The following PPP6R3 variants were observed in gnomAD, a reference collection of about 807,000 sequenced individuals.
PPP6R3 encodes protein phosphatase 6 regulatory subunit 3.
In PPP6R3, 38 loss-of-function variants were observed where a neutral mutation model predicts 110.7. That is an observed-to-expected ratio of 0.34 (90% CI 0.26 to 0.45). The LOEUF (loss-of-function observed/expected upper bound fraction) is 0.45, where lower values mean the gene tolerates loss of function less well. Ranked by LOEUF, PPP6R3 falls within the 20% of genes least tolerant of loss-of-function variation. PPP6R3 has a pLI of 1.00. For synonymous variants in PPP6R3, 369 were observed against 373.5 expected, an observed-to-expected ratio of 0.99 and a Z score of 0.14; for missense variants, 870 against 1,062.4, an observed-to-expected ratio of 0.82 and a Z score of 2.52.
At chr11:68,587,689 A>G in intron 15 of PPP6R3, 1 of 579,036 alleles carries the variant, frequency 1.7e-6, no homozygotes, top group Non-Finnish European at 3.1e-6. Context: ...CAGAGTGGTC[A>G]CATAGTGTTT....
chr11:68,539,700 T>C (rs536059221), intron 3 of PPP6R3, among the ~76,000 whole-genome samples: 15 of 152,256 alleles, frequency 9.9e-5, no homozygotes, highest in African/African-American at 3.6e-4. Flanking sequence ...TAGACTGGGA[T>C]TGTGTAGTTT....
At chr11:68,592,806 C>T (rs960845747) in intron 18 of PPP6R3, among the ~76,000 whole-genome samples, 3 of 152,148 alleles carry the variant, frequency 2.0e-5, no homozygotes, top group African/African-American at 7.2e-5. Flanking sequence ...CCATCATTTA[C>T]TGAGATTTTG....
rs758585062 is a variant in PPP6R3 at position 68,575,948 on chromosome 11, C to T, written c.1460-10C>T. On this transcript the variant is annotated splice_polypyrimidine_tract_variant and intron_variant, in intron 13 of 23. Transcript: ENST00000393800. ...GGTGATAATGCTTTTTTGCTTTTCT[C>T]ACTCTGAAGATCTTCCCGACGAAGT... 10 of 1,594,880 alleles carry T rather than the reference C, an allele frequency of 6.3e-6. No homozygotes were observed. Among genetic ancestry groups the T allele is most frequent in the Admixed American group, 5.2e-5 (3 of 57,590 alleles).
At chr11:68,475,598 C>T (rs1215771287) in intron 1 of PPP6R3, among the ~76,000 whole-genome samples, 2 of 149,676 alleles carry the variant, frequency 1.3e-5, no homozygotes, top group Non-Finnish European at 3.0e-5. Flanking sequence ...CTGCCCCCCA[C>T]CTCCCTCCCG....
At position 68,613,071 on chromosome 11, in the gene PPP6R3, G is replaced by A. The variant is rs754490865; in HGVS notation, c.2576G>A (p.Gly859Asp). The change falls in exon 24 of 24, where the codon GGC becomes GAC. Residue 859 changes from glycine (G) to aspartate (D), a missense_variant. By Grantham distance (94) the Gly-to-Asp change is moderately conservative. Coordinates refer to ENST00000393800, the MANE Select transcript of PPP6R3 (RefSeq NM_001164161.2). ...PPSSSPEQRTGQPSAPGDTSV... is the reference protein window; with the variant it reads ...PPSSSPEQRTDQPSAPGDTSV... Reference sequence around the variant, plus strand: ...GCCTGTCTGTTGCTCCTTAGGACTGGCCAACCAAGCGCACCAGGTGACACT... The same window carrying A: ...GCCTGTCTGTTGCTCCTTAGGACTGACCAACCAAGCGCACCAGGTGACACT... 7 of 1,614,042 alleles carry A rather than the reference G, an allele frequency of 4.3e-6. No homozygotes were observed. In the South Asian group the frequency reaches 6.6e-5, roughly 15 times the overall value.
chr11:68,529,506 C>T (rs1162596506), intron 2 of PPP6R3, among the ~76,000 whole-genome samples: 6 of 152,154 alleles, frequency 3.9e-5, no homozygotes, highest in African/African-American at 2.4e-5. Context: ...TGTGAGCCAC[C>T]GCGCCCAGCC....
intron 2 of PPP6R3, among the ~76,000 whole-genome samples, chr11:68,526,730 A>G (rs143429227): frequency 1.6e-4 from 25 of 152,280 alleles, no homozygotes; most frequent in Non-Finnish European, 2.9e-4. Flanking sequence ...TTCCCCACAC[A>G]ACCCCTCAGT....
chr11:68,613,178 A>C lies in PPP6R3; in HGVS notation c.*61A>C. On this transcript the variant is annotated 3_prime_UTR_variant, in exon 24 of 24. Coordinates refer to ENST00000393800, the MANE Select transcript of PPP6R3 (RefSeq NM_001164161.2). ...GACCGCCACCACTCAGGGGCTCTGG[A>C]GGGGTCAGCTGGAGCCCACCAAGCT... is the stretch of plus-strand genomic sequence containing the variant. 1 of 1,605,972 alleles carries C rather than the reference A, an allele frequency of 6.2e-7. No homozygotes were observed. The highest frequency in any genetic ancestry group is 8.5e-7 in the Non-Finnish European group (1 of 1,176,518).
intron 2 of PPP6R3, among the ~76,000 whole-genome samples, chr11:68,532,309 T>C (rs2153626206): frequency 6.6e-6 from 1 of 152,344 alleles, no homozygotes; most frequent in South Asian, 2.1e-4. Flanking sequence ...ATGGCAGTTT[T>C]CACTTGTCTT....
intron 1 of PPP6R3, among the ~76,000 whole-genome samples, chr11:68,478,448 T>C (rs917929730): frequency 6.6e-6 from 1 of 152,124 alleles, no homozygotes; most frequent in Non-Finnish European, 1.5e-5. Flanking sequence ...GCCGAAAACT[T>C]AAGTATCTTT....
chr11:68,609,735 GT>G, intron 22 of PPP6R3, 168 bp from the exon 23 acceptor site: 1 of 1,556,426 alleles, frequency 6.4e-7, no homozygotes, highest in Admixed American at 1.7e-5. Flanking sequence ...TGATTCCCCA[GT>G]CACTGTCTGT....
At chr11:68,502,270 G>A (rs2099052695) in intron 1 of PPP6R3, among the ~76,000 whole-genome samples, 1 of 152,108 alleles carries the variant, frequency 6.6e-6, no homozygotes, top group Admixed American at 6.5e-5. Flanking sequence ...TAATCAGTAG[G>A]AAAATTGAGA....
At chr11:68,471,209 G>A (rs374295036) in intron 1 of PPP6R3, among the ~76,000 whole-genome samples, 2 of 151,512 alleles carry the variant, frequency 1.3e-5, no homozygotes, top group African/African-American at 2.4e-5. Context: ...GCATGAACCC[G>A]GGAGGTGGAG....
intron 1 of PPP6R3, among the ~76,000 whole-genome samples, chr11:68,476,920 G>T (rs8181576): frequency 6.6e-6 from 1 of 152,034 alleles, no homozygotes; most frequent in Admixed American, 6.5e-5. Context: ...CAGCTACTCA[G>T]GTGGCTGAGG....
intron 1 of PPP6R3, among the ~76,000 whole-genome samples, chr11:68,512,363 G>C (rs900977546): frequency 2.0e-5 from 3 of 152,144 alleles, no homozygotes; most frequent in African/African-American, 7.2e-5. Flanking sequence ...AGATGACACA[G>C]TCTGGAGCAC....
At chr11:68,501,563 G>A (rs537516665) in intron 1 of PPP6R3, among the ~76,000 whole-genome samples, 37 of 152,274 alleles carry the variant, frequency 2.4e-4, no homozygotes, top group Non-Finnish European at 4.0e-4. Flanking sequence ...CTGGCCTCAA[G>A]TGATCTGCCC....
intron 1 of PPP6R3, among the ~76,000 whole-genome samples, chr11:68,494,689 G>A (rs1327264395): frequency 6.6e-6 from 1 of 152,026 alleles, no homozygotes; most frequent in Non-Finnish European, 1.5e-5. Context: ...TTCCCACTAG[G>A]TATTGTATAA....
At chr11:68,536,019 A>C (rs919057932) in intron 2 of PPP6R3, among the ~76,000 whole-genome samples, 4 of 152,076 alleles carry the variant, frequency 2.6e-5, no homozygotes, top group Non-Finnish European at 5.9e-5. Flanking sequence ...TGCTCATATA[A>C]AATGTTCAGT....
chr11:68,611,412 T>G (rs1368860931), intron 23 of PPP6R3, among the ~76,000 whole-genome samples: 11 of 152,196 alleles, frequency 7.2e-5, no homozygotes, highest in Admixed American at 7.2e-4. Flanking sequence ...AAGAATTGTT[T>G]GCATAAGGGG....
Sources: allele counts gnomAD v4.1 joint callset (sites outside exome capture counted in the v4.1 genomes callset), GRCh38; gene constraint gnomAD v4.1.1; transcripts MANE v1.5; gene names NCBI Gene and HGNC (gene_info 2026-07-23, HGNC 2026-07-21).